The following GRM8 variants were observed in gnomAD, a reference collection of about 807,000 sequenced individuals.
GRM8 encodes the protein metabotropic glutamate receptor 8.
Under a neutral mutation model 87.2 loss-of-function variants are expected in GRM8, and 47 were observed. The observed-to-expected ratio is 0.54, with a 90% confidence interval of 0.43 to 0.69. GRM8 has a LOEUF of 0.69. Among genes scored for constraint, GRM8 ranks in the 30% least tolerant of loss-of-function variants. GRM8 has a pLI of 0.00. For missense variants in GRM8, 1,019 were observed against 1,139.2 expected, an observed-to-expected ratio of 0.89 and a Z score of 1.52; for synonymous variants, 396 against 404.5, an observed-to-expected ratio of 0.98 and a Z score of 0.25.
intron 8 of GRM8, among the ~76,000 whole-genome samples, chr7:126,544,200 A>C (rs1246752685): frequency 6.6e-6 from 1 of 152,198 alleles, no homozygotes; most frequent in Non-Finnish European, 1.5e-5. Flanking sequence ...CCCCTATATA[A>C]GACTTAGGAC....
chr7:127,157,661 T>C lies in GRM8; in HGVS notation c.511-50949A>G, dbSNP rs1249789477. Reference sequence around the variant, plus strand: ...TCATGGATGAAAAAAATATACATTGTTGCTGACACAAAAATGTAAGTTGGT... The same window carrying C: ...TCATGGATGAAAAAAATATACATTGCTGCTGACACAAAAATGTAAGTTGGT... On this transcript the variant is annotated intron_variant, in intron 2 of 10. Transcript: ENST00000339582. Among the ~76,000 whole-genome samples the C allele has an allele frequency of 2.0e-5, 3 of 152,272 alleles. No individual in the cohort carries two copies. In the East Asian group the frequency reaches 5.8e-4, roughly 29 times the overall value.
chr7:126,534,044 T>A, intron 8 of GRM8, 157 bp from the exon 9 acceptor site: 1 of 619,594 alleles, frequency 1.6e-6, no homozygotes, highest in Non-Finnish European at 2.8e-6. Flanking sequence ...ATTGACTTTA[T>A]GAAAGTGTTA....
chr7:126,812,272 A>G (rs771729487), intron 6 of GRM8, among the ~76,000 whole-genome samples: 4 of 152,018 alleles, frequency 2.6e-5, no homozygotes, highest in Non-Finnish European at 4.4e-5. Context: ...TGAGGGGGAT[A>G]CTTTATGAGA....
chr7:126,856,475 C>T (rs1797695408), intron 6 of GRM8, among the ~76,000 whole-genome samples: 1 of 152,102 alleles, frequency 6.6e-6, no homozygotes, highest in African/African-American at 2.4e-5. Flanking sequence ...CTTTCATTTG[C>T]ATTTGTTTGT....
intron 7 of GRM8, among the ~76,000 whole-genome samples, chr7:126,662,951 T>C (rs1805364115): frequency 6.6e-6 from 1 of 152,214 alleles, no homozygotes; most frequent in South Asian, 2.1e-4. Context: ...CAGACAGGGA[T>C]ATTGTAAAAT....
chr7:126,740,638 A>C (rs1814847937), intron 7 of GRM8, among the ~76,000 whole-genome samples: 1 of 152,106 alleles, frequency 6.6e-6, no homozygotes, highest in Admixed American at 6.6e-5. Flanking sequence ...TGTTTACCTC[A>C]GTTTCACTGC....
intron 7 of GRM8, among the ~76,000 whole-genome samples, chr7:126,722,515 T>C (rs1812493822): frequency 6.6e-6 from 1 of 152,192 alleles, no homozygotes; most frequent in Admixed American, 6.5e-5. Context: ...AGATGATCTT[T>C]CTAAAAAACA....
At chr7:127,006,648 C>G (rs1003736726) in intron 3 of GRM8, among the ~76,000 whole-genome samples, 3 of 151,978 alleles carry the variant, frequency 2.0e-5, no homozygotes, top group African/African-American at 4.8e-5. Flanking sequence ...TGCTTGACTT[C>G]CTGTGAAGAG....
chr7:126,667,803 T>C (rs1451641471), intron 7 of GRM8, among the ~76,000 whole-genome samples: 2 of 152,224 alleles, frequency 1.3e-5, no homozygotes, highest in Non-Finnish European at 2.9e-5. Context: ...AGCATGTTTG[T>C]GTGAACTGAA....
intron 3 of GRM8, among the ~76,000 whole-genome samples, chr7:126,971,198 G>C (rs1311173264): frequency 7.5e-6 from 1 of 133,878 alleles, no homozygotes; most frequent in Non-Finnish European, 1.6e-5. Flanking sequence ...TATCTGTAAA[G>C]TACAATAAAG....
intron 2 of GRM8, among the ~76,000 whole-genome samples, chr7:127,158,713 C>T (rs748089176): frequency 1.3e-5 from 2 of 152,138 alleles, no homozygotes; most frequent in Non-Finnish European, 2.9e-5. Context: ...CCCAAAGGCC[C>T]CGCCTCTTAA....
intron 1 of GRM8, among the ~76,000 whole-genome samples, chr7:127,244,173 C>T (rs1266348941): frequency 6.6e-6 from 1 of 152,104 alleles, no homozygotes; most frequent in African/African-American, 2.4e-5. Flanking sequence ...GGTAAGGTGA[C>T]ATGTGAAGAT....
At chr7:126,496,627 T>A (rs1241660895) in intron 9 of GRM8, among the ~76,000 whole-genome samples, 2 of 151,976 alleles carry the variant, frequency 1.3e-5, no homozygotes, top group Non-Finnish European at 1.5e-5. Flanking sequence ...GAATATCTAA[T>A]TTGTCAACCT....
intron 6 of GRM8, among the ~76,000 whole-genome samples, chr7:126,829,124 AT>A (rs1293785192): frequency 6.6e-6 from 1 of 151,164 alleles, no homozygotes; most frequent in Non-Finnish European, 1.5e-5. Context: ...ACTTCCAACT[AT>A]GCGGTCAATT....
chr7:126,476,949 C>G (rs1011197336), intron 9 of GRM8, among the ~76,000 whole-genome samples: 1 of 151,978 alleles, frequency 6.6e-6, no homozygotes, highest in African/African-American at 2.4e-5. Flanking sequence ...ATATTCATTG[C>G]AGCATTATTC....
At chr7:127,217,733 A>T (rs1796652807) in intron 2 of GRM8, among the ~76,000 whole-genome samples, 1 of 152,200 alleles carries the variant, frequency 6.6e-6, no homozygotes, top group Non-Finnish European at 1.5e-5. Context: ...TGAATTGGCC[A>T]GTACTGGAAC....
chr7:126,564,408 A>C (rs966427116), intron 8 of GRM8, among the ~76,000 whole-genome samples: 2 of 152,214 alleles, frequency 1.3e-5, no homozygotes, highest in African/African-American at 4.8e-5. Flanking sequence ...TCCCCATTGC[A>C]ACTGATGCCA....
chr7:127,086,155 C>T (rs1223671713), intron 3 of GRM8, among the ~76,000 whole-genome samples: 1 of 152,186 alleles, frequency 6.6e-6, no homozygotes, highest in Non-Finnish European at 1.5e-5. Context: ...GGCTGGAGTG[C>T]AGTGGCATGA....
At chr7:126,470,001 T>A (rs1644086628) in intron 9 of GRM8, among the ~76,000 whole-genome samples, 1 of 152,018 alleles carries the variant, frequency 6.6e-6, no homozygotes, top group Non-Finnish European at 1.5e-5. Context: ...GACAGTAATA[T>A]CAACAATGAA....
Sources: gnomAD v4.1 joint callset for allele counts (sites outside exome capture counted in the v4.1 genomes callset) on GRCh38, gnomAD v4.1.1 for gene constraint, MANE v1.5 for transcripts, NCBI Gene and HGNC (gene_info 2026-07-23, HGNC 2026-07-21) for gene names.